GRK6: variants seen among roughly 807,000 people sequenced by gnomAD.
GRK6 encodes G protein-coupled receptor kinase 6.
In GRK6, 37 loss-of-function variants were observed where a neutral mutation model predicts 80.8. The ratio of observed to expected loss-of-function variants is 0.46; its 90% CI spans 0.35 to 0.60. The LOEUF is 0.60. Ranked by LOEUF, GRK6 falls within the 20% of genes least tolerant of loss-of-function variation. The pLI is 0.00. For missense variants in GRK6, 560 were observed against 784.6 expected, an observed-to-expected ratio of 0.71 and a Z score of 3.42; for synonymous variants, 295 against 320.9, an observed-to-expected ratio of 0.92 and a Z score of 0.86.
chr5:177,440,679 C>T (rs765512258), intron 13 of GRK6, 21 bp from the exon 14 acceptor site: 1 of 1,612,822 alleles, frequency 6.2e-7, no homozygotes, highest in Non-Finnish European at 8.5e-7. Context: ...TCCTATCTGA[C>T]CGTTGCCTCT....
Position 177,436,258 on chromosome 5 carries a change from C to A in GRK6, c.1243C>A (p.Gln415Lys). 1 of 1,614,156 alleles carries A rather than the reference C, an allele frequency of 6.2e-7. No homozygotes were observed. Among genetic ancestry groups the A allele is most frequent in the Non-Finnish European group, 8.5e-7 (1 of 1,180,026 alleles). The stretch of plus-strand genomic sequence containing the variant: ...GGAGTATTCCGAGCGCTTTTCCCCG[C>A]AGGCCCGCTCACTTTGCTCACAGGT... ...PEEYSERFSP[Q>K]ARSLCSQLLC... Residue 415 changes from glutamine to lysine, a missense_variant, in exon 12 of 16, where the codon CAG becomes AAG. Physicochemically the swap from Gln to Lys is moderately conservative, Grantham distance 53 (BLOSUM62 1). Around this residue, in one of 3 missense-constraint regions of GRK6, gnomAD observed 294 missense variants for 397.4 expected, o/e 0.74. Transcript: ENST00000355472.
In GRK6 at chr5:177,428,067, C is replaced by G. The variant is rs1763740452; in HGVS notation, c.52+1170C>G. Among the ~76,000 whole-genome samples, 1 of 152,230 alleles carries G rather than the reference C, an allele frequency of 6.6e-6. No individual in the cohort carries two copies. Among genetic ancestry groups the G allele is most frequent in the Non-Finnish European group, 1.5e-5 (1 of 68,040 alleles). On this transcript the variant is annotated intron_variant, in intron 1 of 15. Coordinates refer to ENST00000355472, the MANE Select transcript of GRK6 (RefSeq NM_001004106.3). The surrounding 1 kb of genome is among the most constrained non-coding windows in gnomAD (Gnocchi z 4.1). ...CACCAAGTGCTCTGGCGAGGTGCAGCCCAGAAATGGCATGGCAGGCTGGGT... is the reference window on the plus strand; with the variant it reads ...CACCAAGTGCTCTGGCGAGGTGCAGGCCAGAAATGGCATGGCAGGCTGGGT...
At chr5:177,434,251 C>T (rs759487592) in intron 9 of GRK6, 147 bp downstream of exon 9, 267 of 831,830 alleles carry the variant, frequency 3.2e-4, no homozygotes, top group East Asian at 2.3e-3. Flanking sequence ...TTAACTCACA[C>T]GCCAGGCCAA....
intron 1 of GRK6, among the ~76,000 whole-genome samples, chr5:177,430,046 G>T (rs1763822197): frequency 1.3e-5 from 2 of 151,508 alleles, no homozygotes; most frequent in African/African-American, 2.4e-5. Context: ...TAAACAAAAT[G>T]GGGGCCAATA....
Position 177,430,476 on chromosome 5 carries a change from C to T in GRK6, c.53-396C>T, listed in dbSNP as rs533164482. Among the ~76,000 whole-genome samples the T allele has an allele frequency of 2.6e-5, 4 of 152,334 alleles. No homozygotes were observed. The East Asian group carries it at 7.7e-4, about 29-fold the overall frequency. ...TCCCCATGCTGCCCTGTGCGTCTCT[C>T]AGGCCTGCCCCACTGGCCTAGAATC... On this transcript the variant is annotated intron_variant, in intron 1 of 15. Transcript: ENST00000355472.
intron 15 of GRK6, 21 bp from the exon 16 acceptor site, chr5:177,441,716 G>A (rs201068437): frequency 3.1e-5 from 50 of 1,595,324 alleles, no homozygotes; most frequent in African/African-American, 5.4e-5. Context: ...CCCTCCCTCC[G>A]TGTCTTCCCC....
At chr5:177,435,940 T>A in intron 11 of GRK6, 133 bp from the exon 12 acceptor site, 1 of 720,128 alleles carries the variant, frequency 1.4e-6, no homozygotes, top group East Asian at 2.7e-5. Flanking sequence ...GCCTGTGCTC[T>A]CCTACTGGCC....
At chr5:177,432,147 G>T in intron 3 of GRK6, 40 bp downstream of exon 3, 1 of 1,607,076 alleles carries the variant, frequency 6.2e-7, no homozygotes. Context: ...GCGGGTGGCC[G>T]AGGTCCTGGC....
At position 177,426,741 on chromosome 5, in the gene GRK6, C is replaced by A; in HGVS notation, c.-105C>A. On this transcript the variant is annotated 5_prime_UTR_variant, in exon 1 of 16. Transcript: ENST00000355472. The stretch of plus-strand genomic sequence containing the variant: ...GAGGCCGCGGCGCGGTCACTGCGAG[C>A]CGAGCCGAGCCGCGCCGAGCCGCGC... The A allele has an allele frequency of 1.7e-6, 1 of 588,156 alleles. No individual in the cohort carries two copies. The highest frequency in any genetic ancestry group is 2.1e-6 in the Non-Finnish European group (1 of 468,718). 36.4% of individuals were successfully genotyped at this position (588,156 alleles called of 1,614,324 possible). A position where few individuals can be genotyped will look rare whatever the true frequency, so the allele number is the denominator to read the frequency against.
chr5:177,431,940 C>T (rs559279898), intron 2 of GRK6, 55 bp from the exon 3 acceptor site: 4 of 1,478,794 alleles, frequency 2.7e-6, no homozygotes, highest in Admixed American at 3.3e-5. Context: ...TGGGCACATG[C>T]CCCACCCATG....
chr5:177,430,893 G>A lies in GRK6; in HGVS notation c.74G>A (p.Gly25Asp). ...AREGGGGNRK[G>D]KSKKWRQMLQ... ...ACAGGTGGCGGTGGAAATCGCAAAG[G>A]CAAAAGCAAGAAATGGCGGCAGATG... The change falls in exon 2 of 16, where the codon GGC becomes GAC. Residue 25 changes from glycine to aspartate, a missense_variant. Gly to Asp is a moderately conservative substitution (Grantham distance 94). Coordinates refer to ENST00000355472, the MANE Select transcript of GRK6 (RefSeq NM_001004106.3). The A allele has an allele frequency of 1.9e-6, 3 of 1,614,112 alleles. No individual in the cohort carries two copies. The highest frequency in any genetic ancestry group is 2.5e-6 in the Non-Finnish European group (3 of 1,179,998).
chr5:177,436,334 T>TTGCCCCCCCCC, intron 12 of GRK6, 53 bp downstream of exon 12: 1 of 1,556,020 alleles, frequency 6.4e-7, no homozygotes, highest in Non-Finnish European at 8.8e-7. Flanking sequence ...GATGCACCTT[T>TTGCCCCCCCCC]CCCTCCCTCC....
chr5:177,431,942 C>T (rs755447911), intron 2 of GRK6, 53 bp from the exon 3 acceptor site: 3 of 1,492,394 alleles, frequency 2.0e-6, no homozygotes, highest in East Asian at 2.3e-5. Context: ...GGCACATGCC[C>T]CACCCATGTG....
intron 11 of GRK6, among the ~76,000 whole-genome samples, chr5:177,435,576 T>C (rs552647867): frequency 6.6e-6 from 1 of 152,268 alleles, no homozygotes; most frequent in South Asian, 2.1e-4. Context: ...ACTCCGCTGC[T>C]CCCGGCCTCA....
intron 13 of GRK6, chr5:177,439,978 A>AT (rs1227792754): frequency 6.6e-6 from 1 of 152,230 alleles, no homozygotes; most frequent in Non-Finnish European, 1.5e-5. Flanking sequence ...TGCTGTGAAC[A>AT]TTCCTGTACA....
intron 13 of GRK6, 112 bp from the exon 14 acceptor site, chr5:177,440,588 G>C: frequency 7.7e-7 from 1 of 1,297,162 alleles, no homozygotes; most frequent in East Asian, 2.4e-5. Flanking sequence ...AAATCAGAGA[G>C]CTGCTGGTGT....
chr5:177,438,360 T>A (rs1019350123), intron 13 of GRK6: 6 of 151,826 alleles, frequency 4.0e-5, no homozygotes, highest in African/African-American at 1.2e-4. Context: ...AGAGTGAAAC[T>A]TCATCTCAAA....
chr5:177,431,921 C>T, intron 2 of GRK6, 74 bp from the exon 3 acceptor site: 1 of 1,316,480 alleles, frequency 7.6e-7, no homozygotes, highest in South Asian at 1.2e-5. Context: ...GGCCCAGGGC[C>T]TGGTGGTGTG....
chr5:177,440,894 GT>G, intron 14 of GRK6, 24 bp from the exon 15 acceptor site: 2 of 1,613,824 alleles, frequency 1.2e-6, no homozygotes, highest in South Asian at 2.2e-5. Context: ...GGGGACAGCT[GT>G]CACAGCCGCC....
Sources: allele counts gnomAD v4.1 joint callset (sites outside exome capture counted in the v4.1 genomes callset), GRCh38; gene constraint gnomAD v4.1.1; regional missense constraint gnomAD v4.1.1; non-coding constraint Gnocchi (gnomAD v3.1); transcripts MANE v1.5; gene names NCBI Gene and HGNC (gene_info 2026-07-23, HGNC 2026-07-21).